SH3PXD2B: variants seen among roughly 807,000 people sequenced by gnomAD.
SH3PXD2B encodes SH3 and PX domains 2B.
A neutral mutation model predicts 73.1 loss-of-function variants in SH3PXD2B; 37 were observed. The observed-to-expected ratio is 0.51, with a 90% CI of 0.39 to 0.67. SH3PXD2B has a LOEUF of 0.67. SH3PXD2B is among the 30% of genes least tolerant of loss of function. The pLI, the probability that SH3PXD2B is intolerant of heterozygous loss-of-function variation, is 0.00. For missense variants in SH3PXD2B, 1,053 were observed against 1,197.8 expected (o/e 0.88, Z 1.78); for synonymous variants, 457 against 480.5 (o/e 0.95, Z 0.64).
chr5:172,446,481 G>A lies in SH3PXD2B; in HGVS notation c.75+7797C>T, dbSNP rs576930119. On this transcript the variant is annotated intron_variant, in intron 1 of 12. Coordinates refer to ENST00000311601, the MANE Select transcript of SH3PXD2B (RefSeq NM_001017995.3). ...GAAGGGGAAAACTGAGTCATGCAAA[G>A]CAAGACTGCTCCCCTGACATTCCCG... Among the ~76,000 whole-genome samples, 7 of 152,294 alleles carry A rather than the reference G, an allele frequency of 4.6e-5. No homozygotes were observed. The East Asian group carries it at 1.2e-3, about 25-fold the overall frequency.
downstream of SH3PXD2B, among the ~76,000 whole-genome samples, chr5:172,332,235 C>T (rs1296992796): frequency 1.3e-5 from 2 of 150,992 alleles, no homozygotes; most frequent in Non-Finnish European, 2.9e-5. Flanking sequence ...GGGCCCAGAA[C>T]ACCGCATGAC....
At chr5:172,442,233 G>A (rs763712076) in intron 1 of SH3PXD2B, among the ~76,000 whole-genome samples, 9 of 152,276 alleles carry the variant, frequency 5.9e-5, no homozygotes, top group South Asian at 4.1e-4. Flanking sequence ...CTGACTGCAC[G>A]GTCAGAGGTC....
At chr5:172,364,962 C>G (rs930101765) in intron 6 of SH3PXD2B, among the ~76,000 whole-genome samples, 3 of 152,184 alleles carry the variant, frequency 2.0e-5, no homozygotes, top group Non-Finnish European at 4.4e-5. Context: ...TTGTTAGAAC[C>G]ATGAGGTCTG....
chr5:172,359,009 G>GTTGTGTTCTACCAAT, intron 7 of SH3PXD2B, 132 bp from the exon 8 acceptor site: 1 of 847,322 alleles, frequency 1.2e-6, no homozygotes, highest in Non-Finnish European at 1.9e-6. Flanking sequence ...TTTATTGGTA[G>GTTGTGTTCTACCAAT]AACACAACTA....
chr5:172,414,030 C>T (rs1271198656), intron 2 of SH3PXD2B, among the ~76,000 whole-genome samples: 3 of 152,330 alleles, frequency 2.0e-5, no homozygotes, highest in Admixed American at 2.0e-4. Context: ...TAGACCTGTC[C>T]TCAGAAAAGC....
chr5:172,359,551 G>C (rs115502530), intron 7 of SH3PXD2B, among the ~76,000 whole-genome samples: 1 of 152,118 alleles, frequency 6.6e-6, no homozygotes, highest in Non-Finnish European at 1.5e-5. Context: ...CCAAGTTCAC[G>C]TGGCTGCGGT....
chr5:172,371,305 G>C (rs1489558730), intron 6 of SH3PXD2B, among the ~76,000 whole-genome samples: 2 of 152,218 alleles, frequency 1.3e-5, no homozygotes, highest in Non-Finnish European at 2.9e-5. Flanking sequence ...ATAATTGCAT[G>C]ATCTCTTGAC....
chr5:172,437,197 G>A (rs1417226100), intron 1 of SH3PXD2B, among the ~76,000 whole-genome samples: 1 of 152,268 alleles, frequency 6.6e-6, no homozygotes, highest in African/African-American at 2.4e-5. Flanking sequence ...AGGGCAGGGC[G>A]GTCGGATGGA....
chr5:172,439,694 A>ACACACGCGCGTG (rs1759505975), intron 1 of SH3PXD2B, among the ~76,000 whole-genome samples: 1 of 42,708 alleles, frequency 2.3e-5, no homozygotes, highest in Admixed American at 2.9e-4. Flanking sequence ...ACGCGCGCGC[A>ACACACGCGCGTG]CACACACACA....
chr5:172,368,731 A>G (rs1194212875), intron 6 of SH3PXD2B, among the ~76,000 whole-genome samples: 1 of 99,726 alleles, frequency 1.0e-5, no homozygotes, highest in Non-Finnish European at 1.9e-5. Context: ...TAAAATATAT[A>G]TTTAATATAT....
intron 12 of SH3PXD2B, among the ~76,000 whole-genome samples, chr5:172,343,515 C>T (rs1756904085): frequency 6.6e-6 from 1 of 152,116 alleles, no homozygotes; most frequent in Admixed American, 6.6e-5. Flanking sequence ...AATGCAAGAT[C>T]AGAAGCCGGG....
chr5:172,397,843 T>C (rs1486620414), intron 3 of SH3PXD2B, among the ~76,000 whole-genome samples: 3 of 152,214 alleles, frequency 2.0e-5, no homozygotes, highest in African/African-American at 7.2e-5. Flanking sequence ...GGTTTGTTCC[T>C]GGGCTCGGTC....
At position 172,334,154 on chromosome 5, in the gene SH3PXD2B, G is replaced by C. The variant is rs1756632237; in HGVS notation, c.*4215C>G. 1.8e-6 allele frequency: 2 copies of C among 1,115,732 alleles called. No homozygotes were observed. Among genetic ancestry groups the C allele is most frequent in the Admixed American group, 1.0e-4 (2 of 19,956 alleles). 69.1% of individuals were successfully genotyped at this position (1,115,732 alleles called of 1,614,324 possible). Reference sequence around the variant, plus strand: ...GATAGAAACGGGAAGATGGAATGTTGAAACATGAGGAGGAGCTCGATAACT... The same window carrying C: ...GATAGAAACGGGAAGATGGAATGTTCAAACATGAGGAGGAGCTCGATAACT... On this transcript the variant is annotated 3_prime_UTR_variant, in exon 13 of 13. Transcript: ENST00000311601.
rs1561583591 is a variant in SH3PXD2B at position 172,439,290 on chromosome 5, AACC to A, written c.75+14985_75+14987del. Among the ~76,000 whole-genome samples, 357 of 55,836 alleles carry A rather than the reference AACC, an allele frequency of 6.4e-3. 18 individuals are homozygous for A. Among genetic ancestry groups the A allele is most frequent in the African/African-American group, 0.021 (300 of 14,054 alleles). 36.6% of individuals were successfully genotyped at this position (55,836 alleles called of 152,430 possible). ...AAAAACAAAAACAAAACAAAAAAAA[AACC>A]CCAAAAAAAAACCACAGGCATCGGC... On this transcript the variant is annotated intron_variant, in intron 1 of 12. Transcript: ENST00000311601.
chr5:172,346,616 T>C (rs1757003782), intron 11 of SH3PXD2B, among the ~76,000 whole-genome samples: 1 of 152,184 alleles, frequency 6.6e-6, no homozygotes, highest in Non-Finnish European at 1.5e-5. Context: ...GGAGTGTCCT[T>C]GGGCAAATCA....
chr5:172,384,156 T>C (rs1758008771), intron 4 of SH3PXD2B, among the ~76,000 whole-genome samples: 1 of 151,994 alleles, frequency 6.6e-6, no homozygotes, highest in Non-Finnish European at 1.5e-5. Flanking sequence ...TGTCTTGCAT[T>C]TTCTATATAA....
intron 1 of SH3PXD2B, among the ~76,000 whole-genome samples, chr5:172,453,399 A>G (rs1038289189): frequency 1.1e-4 from 17 of 152,104 alleles, no homozygotes; most frequent in African/African-American, 3.9e-4. Flanking sequence ...CTCCACCTAG[A>G]ACCTGCGAGG....
At chr5:172,366,796 C>T (rs1012170894) in intron 6 of SH3PXD2B, among the ~76,000 whole-genome samples, 3 of 151,742 alleles carry the variant, frequency 2.0e-5, no homozygotes, top group Non-Finnish European at 2.9e-5. Flanking sequence ...CCACACCTGG[C>T]TAATTTTTTT....
intron 2 of SH3PXD2B, among the ~76,000 whole-genome samples, chr5:172,413,496 G>A (rs554433269): frequency 1.1e-4 from 16 of 152,152 alleles, no homozygotes; most frequent in Non-Finnish European, 2.2e-4. Context: ...CTGGTACACG[G>A]TAAGCACCTG....
Sources: gnomAD v4.1 joint callset for allele counts (sites outside exome capture counted in the v4.1 genomes callset) on GRCh38, gnomAD v4.1.1 for gene constraint, MANE v1.5 for transcripts, NCBI Gene and HGNC (gene_info 2026-07-23, HGNC 2026-07-21) for gene names.